Variants in NEDD9 observed in about 807,000 individuals in gnomAD.
The protein encoded by NEDD9 is enhancer of filamentation 1.
In NEDD9, 26 loss-of-function variants were observed where a neutral mutation model predicts 76.6. That is an observed-to-expected ratio of 0.34 (90% CI 0.25 to 0.47). NEDD9 has a LOEUF of 0.47. NEDD9 is among the 20% of genes least tolerant of loss of function. The pLI, the probability that NEDD9 is intolerant of heterozygous loss-of-function variation, is 1.00. For synonymous variants in NEDD9, 392 were observed against 414.2 expected (o/e 0.95, Z 0.65); for missense variants, 937 against 1,058.5 (o/e 0.89, Z 1.59).
chr6:11,185,720 C>A lies in NEDD9; in HGVS notation c.1996-49G>T, dbSNP rs1325412428. Reference sequence around the variant, plus strand: ...CTCATTAGAGCAAGGGAGTGTGTTGCAATGGAAATTCACTAGGCCTTGGAG... The same window carrying A: ...CTCATTAGAGCAAGGGAGTGTGTTGAAATGGAAATTCACTAGGCCTTGGAG... On this transcript the variant is annotated intron_variant, in intron 6 of 6. Coordinates refer to ENST00000379446, the MANE Select transcript of NEDD9 (RefSeq NM_006403.4). 4 of 1,599,428 alleles carry A rather than the reference C, an allele frequency of 2.5e-6. No homozygotes were observed. In the Admixed American group the frequency reaches 6.7e-5, roughly 27 times the overall value.
chr6:11,230,360 A>G (rs935683783), intron 1 of NEDD9, among the ~76,000 whole-genome samples: 4 of 152,158 alleles, frequency 2.6e-5, no homozygotes, highest in Non-Finnish European at 5.9e-5. Context: ...CCAGCTCACC[A>G]CTTTCTAGCT....
chr6:11,276,277 T>G (rs552699072), intron 3 of NEDD9, among the ~76,000 whole-genome samples: 1 of 152,340 alleles, frequency 6.6e-6, no homozygotes, highest in East Asian at 1.9e-4. Flanking sequence ...TAATTATTAT[T>G]ATTTAGCTAC....
chr6:11,284,140 A>C (rs1760595277), intron 3 of NEDD9, among the ~76,000 whole-genome samples: 1 of 152,146 alleles, frequency 6.6e-6, no homozygotes, highest in South Asian at 2.1e-4. Context: ...AGTAAAGCTA[A>C]TTGTGGTGGA....
At chr6:11,331,897 A>G (rs1039241705) in intron 2 of NEDD9, among the ~76,000 whole-genome samples, 3 of 152,242 alleles carry the variant, frequency 2.0e-5, no homozygotes, top group Non-Finnish European at 4.4e-5. Context: ...GCAAGCCCAG[A>G]CATACAGAGG....
chr6:11,233,024 C>T (rs935985497), upstream of NEDD9, among the ~76,000 whole-genome samples: 1 of 152,114 alleles, frequency 6.6e-6, no homozygotes, highest in Non-Finnish European at 1.5e-5. Context: ...CTAGCAACTC[C>T]TTCATAAACC....
chr6:11,305,151 G>A (rs988018206), intron 3 of NEDD9: 27 of 1,288,610 alleles, frequency 2.1e-5, no homozygotes, highest in Middle Eastern at 4.2e-4. Flanking sequence ...GCAGTTGATG[G>A]TTGATTCTCT....
chr6:11,260,014 G>GTCAGAAATCGTACCATTAGGGAT (rs1760077436), intron 3 of NEDD9, among the ~76,000 whole-genome samples: 1 of 151,258 alleles, frequency 6.6e-6, no homozygotes, highest in African/African-American at 2.4e-5. Flanking sequence ...TAGTCTCAGT[G>GTCAGAAATCGTACCATTAGGGAT]TCAGAAATCG....
At chr6:11,334,585 A>G (rs1292655207) in intron 1 of NEDD9, 3 of 152,204 alleles carry the variant, frequency 2.0e-5, no homozygotes, top group Admixed American at 1.3e-4. Flanking sequence ...GTTGGAGCAA[A>G]CGTTAATTGC....
intron 3 of NEDD9, among the ~76,000 whole-genome samples, chr6:11,293,207 T>C (rs1760817365): frequency 6.6e-6 from 1 of 152,014 alleles, no homozygotes; most frequent in African/African-American, 2.4e-5. Flanking sequence ...TTTTTTTTTT[T>C]GTTTAAATCT....
At chr6:11,248,034 C>T (rs911687968) in intron 3 of NEDD9, among the ~76,000 whole-genome samples, 3 of 151,564 alleles carry the variant, frequency 2.0e-5, no homozygotes, top group Non-Finnish European at 4.4e-5. Context: ...TTTTTTAAAA[C>T]TCATAAAGAG....
chr6:11,232,608 T>G lies in NEDD9; in HGVS notation c.-93A>C. ...CCCCTCCATTGAGTGCAGCGCTAGA[T>G]GAAAGCGAGAAGGTCCCGGGCAGAG... On this transcript the variant is annotated 5_prime_UTR_variant, in exon 1 of 7. Transcript: ENST00000379446. 1 of 1,607,974 alleles carries G rather than the reference T, an allele frequency of 6.2e-7. No homozygotes were observed. The highest frequency in any genetic ancestry group is 8.5e-7 in the Non-Finnish European group (1 of 1,177,290).
intron 1 of NEDD9, among the ~76,000 whole-genome samples, chr6:11,348,152 G>T (rs753911260): frequency 6.6e-6 from 1 of 152,140 alleles, no homozygotes; most frequent in Non-Finnish European, 1.5e-5. Context: ...CAACAGTCAA[G>T]CTGAGAGCAG....
In NEDD9 at chr6:11,191,139, G is replaced by C. The variant is rs767230607; in HGVS notation, c.730C>G (p.Pro244Ala). The change falls in exon 5 of 7, where the codon CCC (proline) becomes GCC (alanine). Residue 244 changes from proline (P) to alanine (A), a missense_variant. Transcript: ENST00000379446. ...AGLREKDYDF[P>A]PPMRQAGRPD... is the part of the protein sequence containing the mutation. ...CTTCCAGCTTGTCTCATGGGAGGGG[G>C]GAAGTCATAGTCTTTTTCCCTAAGC... is the stretch of plus-strand genomic sequence containing the variant. 1.9e-6 allele frequency: 3 copies of C among 1,613,788 alleles called. No individual in the cohort carries two copies. Among genetic ancestry groups the C allele is most frequent in the Non-Finnish European group, 2.5e-6 (3 of 1,179,986 alleles).
chr6:11,374,625 A>AT (rs1369729789), intron 1 of NEDD9, among the ~76,000 whole-genome samples: 1 of 152,252 alleles, frequency 6.6e-6, no homozygotes, highest in East Asian at 1.9e-4. Flanking sequence ...CGCATATGCT[A>AT]TAGAAAAAGG....
At chr6:11,187,143 T>C (rs902049907) in intron 6 of NEDD9, among the ~76,000 whole-genome samples, 2 of 152,208 alleles carry the variant, frequency 1.3e-5, no homozygotes, top group African/African-American at 4.8e-5. Flanking sequence ...GGGGGGGTAC[T>C]TTCCCATTTT....
At position 11,190,130 on chromosome 6, in the gene NEDD9, G is replaced by A; in HGVS notation, c.1739C>T (p.Pro580Leu). 3.7e-6 allele frequency: 6 copies of A among 1,613,598 alleles called. No individual in the cohort carries two copies. The highest frequency in any genetic ancestry group is 4.2e-6 in the Non-Finnish European group (5 of 1,179,644). Residue 580 changes from proline to leucine, a missense_variant, in exon 5 of 7, where the codon CCA becomes CTA. By Grantham distance (98) the Pro-to-Leu change is moderately conservative. Coordinates refer to ENST00000379446, the MANE Select transcript of NEDD9 (RefSeq NM_006403.4). The surrounding 1 kb of genome is among the most constrained non-coding windows in gnomAD (Gnocchi z 5.8). ...PESIMNSTEYPHGGSQGQLLH... is the reference protein window; with the variant it reads ...PESIMNSTEYLHGGSQGQLLH... The stretch of plus-strand genomic sequence containing the variant: ...CAGCTGTCCCTGGGAGCCACCGTGT[G>A]GGTACTCCGTTGAGTTCATGATGCT...
At chr6:11,305,396 G>A in intron 3 of NEDD9, 1 of 271,758 alleles carries the variant, frequency 3.7e-6, no homozygotes, top group South Asian at 3.6e-5. Context: ...GACCCTCAAT[G>A]CCACTATGCC....
chr6:11,206,609 C>T (rs1758623442), intron 2 of NEDD9, among the ~76,000 whole-genome samples: 1 of 152,156 alleles, frequency 6.6e-6, no homozygotes, highest in African/African-American at 2.4e-5. Context: ...GAGGGTTAAC[C>T]TCTGTTTGCT....
intron 1 of NEDD9, among the ~76,000 whole-genome samples, chr6:11,378,240 C>T (rs1762999991): frequency 6.6e-6 from 1 of 151,984 alleles, no homozygotes; most frequent in Non-Finnish European, 1.5e-5. Flanking sequence ...GAGATTCTGT[C>T]TCAAAAAAAA....
Sources: gnomAD v4.1 joint callset for allele counts (sites outside exome capture counted in the v4.1 genomes callset) on GRCh38, gnomAD v4.1.1 for gene constraint, Gnocchi (gnomAD v3.1) non-coding constraint, MANE v1.5 for transcripts, NCBI Gene and HGNC (gene_info 2026-07-23, HGNC 2026-07-21) for gene names.